The following SLC24A3 variants were observed in gnomAD, a reference collection of about 807,000 sequenced individuals.
SLC24A3 encodes the protein sodium/potassium/calcium exchanger 3.
SLC24A3 carries 28 observed loss-of-function variants against 75.8 expected under a neutral mutation model. That is an observed-to-expected ratio of 0.37 (90% confidence interval 0.27 to 0.51). SLC24A3 has a LOEUF of 0.51. Ranked by LOEUF, SLC24A3 falls within the 20% of genes least tolerant of loss-of-function variation. The pLI is 0.94. For missense variants in SLC24A3, 663 were observed against 847.8 expected (o/e 0.78, Z 2.71); for synonymous variants, 372 against 334.1 (o/e 1.11, Z -1.24).
chr20:19,473,597 G>GA (rs1987911095), intron 2 of SLC24A3, among the ~76,000 whole-genome samples: 1 of 152,226 alleles, frequency 6.6e-6, no homozygotes, highest in African/African-American at 2.4e-5. Flanking sequence ...TGTAGCTGGG[G>GA]AATTGGGGAG....
intron 2 of SLC24A3, among the ~76,000 whole-genome samples, chr20:19,465,392 T>C: frequency 6.6e-6 from 1 of 151,764 alleles, no homozygotes; most frequent in East Asian, 1.9e-4. Flanking sequence ...TTTTTTTTTT[T>C]TTTTTTTTAT....
intron 2 of SLC24A3, among the ~76,000 whole-genome samples, chr20:19,312,739 A>T (rs1466055019): frequency 6.6e-6 from 1 of 152,108 alleles, no homozygotes; most frequent in Non-Finnish European, 1.5e-5. Context: ...TGTGATGGAG[A>T]AGGGCCTTGG....
intron 7 of SLC24A3, among the ~76,000 whole-genome samples, chr20:19,657,085 T>G (rs1407830597): frequency 6.6e-6 from 1 of 152,210 alleles, no homozygotes; most frequent in Non-Finnish European, 1.5e-5. Context: ...CATATTTCAT[T>G]CAGACAGCAA....
intron 2 of SLC24A3, among the ~76,000 whole-genome samples, chr20:19,355,880 C>T (rs564557684): frequency 1.2e-3 from 177 of 152,302 alleles, no homozygotes; most frequent in Non-Finnish European, 2.3e-3. Flanking sequence ...AAATTGCTAA[C>T]ACTGTGTGGT....
intron 8 of SLC24A3, among the ~76,000 whole-genome samples, chr20:19,666,273 G>A (rs2032398129): frequency 6.6e-6 from 1 of 152,112 alleles, no homozygotes; most frequent in African/African-American, 2.4e-5. Flanking sequence ...TTGAGAGGCC[G>A]AGGCGGGTGG....
chr20:19,420,866 A>G (rs1470902966), intron 2 of SLC24A3, among the ~76,000 whole-genome samples: 2 of 37,958 alleles, frequency 5.3e-5, no homozygotes, highest in Admixed American at 3.1e-4. Flanking sequence ...ATGGAACAGA[A>G]CAGAGCCCTC....
chr20:19,422,683 A>T (rs2122438888), intron 2 of SLC24A3, among the ~76,000 whole-genome samples: 1 of 152,298 alleles, frequency 6.6e-6, no homozygotes, highest in African/African-American at 2.4e-5. Context: ...GGGGAGCTTT[A>T]AAAATCTCCC....
At chr20:19,645,591 G>C (rs2032127386) in intron 6 of SLC24A3, among the ~76,000 whole-genome samples, 1 of 152,116 alleles carries the variant, frequency 6.6e-6, no homozygotes. Context: ...CCGCTGAGCG[G>C]CTCCACAGTG....
At chr20:19,423,091 TGCTCAGGGCAGACACACTGGCA>T (rs1986944856) in intron 2 of SLC24A3, among the ~76,000 whole-genome samples, 2 of 152,230 alleles carry the variant, frequency 1.3e-5, no homozygotes, top group South Asian at 4.1e-4. Context: ...GCACCTGGCA[TGCTCAGGGCAGACACACTGGCA>T]GCTCTTGCCC....
chr20:19,680,965 G>C (rs1489992652), intron 9 of SLC24A3, among the ~76,000 whole-genome samples: 2 of 152,224 alleles, frequency 1.3e-5, no homozygotes, highest in Non-Finnish European at 2.9e-5. Flanking sequence ...TCCCCAGTGG[G>C]CTGTCCCATG....
chr20:19,599,072 T>C (rs950151603), intron 6 of SLC24A3, among the ~76,000 whole-genome samples: 3 of 152,142 alleles, frequency 2.0e-5, no homozygotes, highest in African/African-American at 7.2e-5. Flanking sequence ...ATCAACCCCA[T>C]GGTGTCGGTT....
At chr20:19,335,333 CTT>C (rs879674624) in intron 2 of SLC24A3, among the ~76,000 whole-genome samples, 24 of 152,216 alleles carry the variant, frequency 1.6e-4, no homozygotes, top group Non-Finnish European at 3.4e-4. Flanking sequence ...TCCAGCTTCT[CTT>C]AGCCCACAGA....
chr20:19,646,787 G>A (rs1264831546), intron 6 of SLC24A3, among the ~76,000 whole-genome samples: 5 of 151,928 alleles, frequency 3.3e-5, no homozygotes, highest in Admixed American at 3.3e-4. Flanking sequence ...AGTGGTGCCT[G>A]CTTTTGAGTC....
intron 2 of SLC24A3, among the ~76,000 whole-genome samples, chr20:19,324,332 C>T (rs932780953): frequency 1.3e-5 from 2 of 152,146 alleles, no homozygotes; most frequent in Non-Finnish European, 2.9e-5. Flanking sequence ...GATTGGTTTG[C>T]AACCATTTTT....
At chr20:19,301,075 C>T (rs1223264088) in intron 2 of SLC24A3, among the ~76,000 whole-genome samples, 1 of 152,152 alleles carries the variant, frequency 6.6e-6, no homozygotes, top group East Asian at 1.9e-4. Context: ...GCAATTGGAG[C>T]CAGTGTCTTT....
intron 3 of SLC24A3, among the ~76,000 whole-genome samples, chr20:19,522,077 A>T (rs2030109310): frequency 6.6e-6 from 1 of 152,152 alleles, no homozygotes; most frequent in African/African-American, 2.4e-5. Context: ...TGGCCATGGG[A>T]GCTATTGAGC....
rs115386554 is a variant in SLC24A3 at position 19,491,126 on chromosome 20, G to T, written c.272-24362G>T. ...GCCCTTTCATTCCTTGGAGGGGAGG[G>T]GTCCTCACTGCCATCCTTGCATTTA... is the stretch of plus-strand genomic sequence containing the variant. On this transcript the variant is annotated intron_variant, in intron 2 of 16. Transcript: ENST00000328041. 1.8e-3 allele frequency among the ~76,000 whole-genome samples: 276 copies of T among 152,192 alleles called. 1 individual carries two copies. The highest frequency in any genetic ancestry group is 6.4e-3 in the African/African-American group (267 of 41,510).
At chr20:19,279,388 G>T (rs116791036) in intron 1 of SLC24A3, among the ~76,000 whole-genome samples, 146 of 152,320 alleles carry the variant, frequency 9.6e-4, no homozygotes, top group African/African-American at 3.4e-3. Flanking sequence ...CACTTTTGCA[G>T]CTTGGCTTAC....
chr20:19,569,372 G>A (rs62200458), intron 3 of SLC24A3, among the ~76,000 whole-genome samples: 6,790 of 152,276 alleles, frequency 0.045, 176 homozygotes, highest in East Asian at 0.086. Flanking sequence ...GTGTCTTCAT[G>A]TTGAGTTAGA....
Sources: gnomAD v4.1 joint callset for allele counts (sites outside exome capture counted in the v4.1 genomes callset) on GRCh38, gnomAD v4.1.1 for gene constraint, MANE v1.5 for transcripts, NCBI Gene and HGNC (gene_info 2026-07-23, HGNC 2026-07-21) for gene names.